The following ADCY2 variants were observed in gnomAD, a reference collection of about 807,000 sequenced individuals.
ADCY2 encodes the protein adenylate cyclase 2.
ADCY2 carries 31 observed loss-of-function variants against 125.2 expected under a neutral mutation model. That is an observed-to-expected ratio of 0.25 (90% CI 0.19 to 0.33). The LOEUF (loss-of-function observed/expected upper bound fraction) is 0.33. Among genes scored for constraint, ADCY2 ranks in the 10% least tolerant of loss-of-function variants. The pLI, the probability that ADCY2 is intolerant of heterozygous loss-of-function variation, is 1.00. For missense variants in ADCY2, 904 were observed against 1,418.2 expected, an observed-to-expected ratio of 0.64 and a Z score of 5.82; for synonymous variants, 512 against 548.4, an observed-to-expected ratio of 0.93 and a Z score of 0.93.
chr5:7,677,082 G>C (rs1397736073), intron 4 of ADCY2, among the ~76,000 whole-genome samples: 2 of 152,034 alleles, frequency 1.3e-5, no homozygotes, highest in East Asian at 3.9e-4. Context: ...TTCGAGACCA[G>C]ACTGGCCAAC....
intron 20 of ADCY2, chr5:7,800,426 G>C (rs1338668060): frequency 6.6e-6 from 1 of 152,244 alleles, no homozygotes; most frequent in Non-Finnish European, 1.5e-5. Flanking sequence ...CACTTTGGGA[G>C]GCCAAGGCGG....
At chr5:7,601,646 C>T (rs572585757) in intron 3 of ADCY2, among the ~76,000 whole-genome samples, 13 of 152,278 alleles carry the variant, frequency 8.5e-5, no homozygotes, top group African/African-American at 3.1e-4. Flanking sequence ...ACAACCCACA[C>T]CATTATCCAA....
intron 2 of ADCY2, among the ~76,000 whole-genome samples, chr5:7,504,460 C>T (rs1422487635): frequency 6.6e-6 from 1 of 152,144 alleles, no homozygotes; most frequent in African/African-American, 2.4e-5. Flanking sequence ...CTCTGGAACA[C>T]AACGCCTATG....
chr5:7,490,376 T>C (rs1743116569), intron 2 of ADCY2, among the ~76,000 whole-genome samples: 1 of 152,154 alleles, frequency 6.6e-6, no homozygotes, highest in Admixed American at 6.5e-5. Flanking sequence ...CCTCACCCAC[T>C]CATGACCCCT....
At position 7,520,783 on chromosome 5, in the gene ADCY2, C is replaced by T. The variant is rs1744414800; in HGVS notation, c.454C>T (p.Pro152Ser). The change falls in exon 3 of 25, where the codon CCC (proline) becomes TCC (serine). Residue 152 changes from proline to serine, a missense_variant. Pro to Ser is a moderately conservative substitution (Grantham distance 74). Transcript: ENST00000338316. ...CATCTTCGTGGTGTACACCATGCTGCCCTTCAACATGCGAGACGCCATCAT... is the reference window on the plus strand; with the variant it reads ...CATCTTCGTGGTGTACACCATGCTGTCCTTCAACATGCGAGACGCCATCAT... ...FIIFVVYTMLPFNMRDAIIAS... is the reference protein window; with the variant it reads ...FIIFVVYTMLSFNMRDAIIAS... 2 of 1,614,156 alleles carry T rather than the reference C, an allele frequency of 1.2e-6. No homozygotes were observed. Among genetic ancestry groups the T allele is most frequent in the Non-Finnish European group, 1.7e-6 (2 of 1,180,040 alleles).
At chr5:7,608,838 A>G (rs1737475193) in intron 3 of ADCY2, among the ~76,000 whole-genome samples, 1 of 152,170 alleles carries the variant, frequency 6.6e-6, no homozygotes, top group East Asian at 1.9e-4. Flanking sequence ...AGCCTAAAGT[A>G]TGCATTTCTG....
chr5:7,783,291 G>A (rs908840128), intron 18 of ADCY2, among the ~76,000 whole-genome samples: 12 of 152,128 alleles, frequency 7.9e-5, no homozygotes, highest in Non-Finnish European at 1.6e-4. Context: ...AGTTTCCTAT[G>A]TGTCAGGCTC....
At chr5:7,630,152 T>C (rs1162519775) in intron 4 of ADCY2, among the ~76,000 whole-genome samples, 1 of 152,116 alleles carries the variant, frequency 6.6e-6, no homozygotes, top group African/African-American at 2.4e-5. Flanking sequence ...TTTCTGGCTG[T>C]AGTCTTTCTG....
chr5:7,748,059 A>G (rs1319488143), intron 15 of ADCY2, among the ~76,000 whole-genome samples: 1 of 152,154 alleles, frequency 6.6e-6, no homozygotes, highest in Non-Finnish European at 1.5e-5. Flanking sequence ...TGGGCCTGGC[A>G]TCCTGATGTT....
intron 4 of ADCY2, among the ~76,000 whole-genome samples, chr5:7,640,717 G>A (rs1738672349): frequency 6.6e-6 from 1 of 151,916 alleles, no homozygotes; most frequent in African/African-American, 2.4e-5. Context: ...GGGAAGCCTA[G>A]AGCAGGTCAA....
intron 3 of ADCY2, among the ~76,000 whole-genome samples, chr5:7,624,085 A>G (rs554289022): frequency 7.1e-4 from 108 of 152,330 alleles, no homozygotes; most frequent in Non-Finnish European, 9.4e-4. Context: ...TCTAATCTGC[A>G]TCATTCTGGA....
At chr5:7,753,332 T>C (rs1742885703) in intron 15 of ADCY2, among the ~76,000 whole-genome samples, 1 of 152,130 alleles carries the variant, frequency 6.6e-6, no homozygotes, top group Non-Finnish European at 1.5e-5. Flanking sequence ...TCACTGTAAG[T>C]AAGAGCCGAT....
At chr5:7,648,330 T>A (rs990353455) in intron 4 of ADCY2, among the ~76,000 whole-genome samples, 3 of 152,230 alleles carry the variant, frequency 2.0e-5, no homozygotes, top group Admixed American at 2.0e-4. Flanking sequence ...TGTGTGCTCA[T>A]TATAAAAAAC....
At chr5:7,451,276 G>A (rs1231363171) in intron 2 of ADCY2, among the ~76,000 whole-genome samples, 2 of 152,176 alleles carry the variant, frequency 1.3e-5, no homozygotes, top group African/African-American at 4.8e-5. Flanking sequence ...CATGTTCATG[G>A]GAGGAAGTCA....
intron 1 of ADCY2, among the ~76,000 whole-genome samples, chr5:7,399,535 A>G (rs1739186202): frequency 6.6e-6 from 1 of 152,214 alleles, no homozygotes; most frequent in Admixed American, 6.5e-5. Context: ...ATGCTGTAAA[A>G]GTAAATTCTG....
chr5:7,772,940 C>T lies in ADCY2; in HGVS notation c.2223C>T (p.Ile741=). 4.3e-6 allele frequency: 7 copies of T among 1,614,040 alleles called. No individual in the cohort carries two copies. The highest frequency in any genetic ancestry group is 5.9e-6 in the Non-Finnish European group (7 of 1,179,962). The change falls in exon 18 of 25, where the codon ATC becomes ATT. Residue 741 remains isoleucine, a synonymous_variant. Transcript: ENST00000338316. ...AQNLFFLPYF[I]YSCILGLISC... ...GTCCTTCCCTGTTTCAGTACTTTAT[C>T]TACAGCTGCATTCTGGGACTGATAT...
intron 4 of ADCY2, 97 bp from the exon 5 acceptor site, chr5:7,690,594 C>T (rs2973326): frequency 1 from 1,137,098 of 1,142,376 alleles, 566,082 homozygotes; most frequent in East Asian, 1. Context: ...AATTCCCAAA[C>T]TGGCCTTCCT....
At chr5:7,407,406 G>C (rs1189373905) in intron 1 of ADCY2, among the ~76,000 whole-genome samples, 1 of 152,124 alleles carries the variant, frequency 6.6e-6, no homozygotes, top group African/African-American at 2.4e-5. Flanking sequence ...GAAGCCTCAG[G>C]AAACTTACAA....
intron 2 of ADCY2, among the ~76,000 whole-genome samples, chr5:7,486,001 GAATAA>G (rs1742911542): frequency 1.3e-5 from 2 of 152,082 alleles, no homozygotes; most frequent in African/African-American, 2.4e-5. Flanking sequence ...TAATAAAATA[GAATAA>G]AACACGACAT....
Sources: gnomAD v4.1 joint callset for allele counts (sites outside exome capture counted in the v4.1 genomes callset) on GRCh38, gnomAD v4.1.1 for gene constraint, MANE v1.5 for transcripts, NCBI Gene and HGNC (gene_info 2026-07-23, HGNC 2026-07-21) for gene names.